Variants in VDR observed in about 807,000 individuals in gnomAD.
The protein encoded by VDR is vitamin D3 receptor.
In VDR, 19 loss-of-function variants were observed where a neutral mutation model predicts 39.7. That is an observed-to-expected ratio of 0.48 (90% CI 0.33 to 0.70). The LOEUF (loss-of-function observed/expected upper bound fraction) is 0.70, where lower values mean the gene tolerates loss of function less well. VDR is among the 30% of genes least tolerant of loss of function. The pLI, the probability that VDR is intolerant of heterozygous loss-of-function variation, is 0.02. For synonymous variants in VDR, 242 were observed against 215.8 expected (o/e 1.12, Z -1.07); for missense variants, 442 against 570.5 (o/e 0.77, Z 2.29).
intron 1 of VDR, among the ~76,000 whole-genome samples, chr12:47,891,997 C>T (rs1325199023): frequency 2.0e-5 from 3 of 152,218 alleles, no homozygotes; most frequent in East Asian, 1.9e-4. Flanking sequence ...CAGCGAGAAC[C>T]GTGGAAGCCC....
rs756858031 is a variant in VDR at position 47,857,637 on chromosome 12, C to T, written c.329G>A (p.Arg110Gln). 21 of 1,614,098 alleles carry T rather than the reference C, an allele frequency of 1.3e-5. No homozygotes were observed. The highest frequency in any genetic ancestry group is 8.3e-5 in the Admixed American group (5 of 60,010). The change falls in exon 5 of 10, where the codon CGG (arginine) becomes CAG (glutamine). Residue 110 changes from arginine (R) to glutamine (Q), a missense_variant. Arg to Gln is a conservative substitution (Grantham distance 43). Around this residue, in one of 5 missense-constraint regions of VDR, gnomAD observed 46 missense variants for 82.0 expected, o/e 0.56. Transcript: ENST00000549336. ...GTCCTTCAAGGCCTCCTCCTCCTTC[C>T]GCTTCAGGATCATCTCCCGCTTCCT... ...VQRKREMILKRKEEEALKDSL... is the reference protein window; with the variant it reads ...VQRKREMILKQKEEEALKDSL...
intron 7 of VDR, among the ~76,000 whole-genome samples, chr12:47,848,669 C>A (rs1218664967): frequency 1.4e-5 from 2 of 142,432 alleles, no homozygotes; most frequent in Admixed American, 1.5e-4. Flanking sequence ...CAGGTTCAAG[C>A]AATTCTCCTA....
intron 2 of VDR, among the ~76,000 whole-genome samples, chr12:47,880,050 A>G (rs897689039): frequency 1.3e-5 from 2 of 152,056 alleles, no homozygotes; most frequent in Non-Finnish European, 2.9e-5. Flanking sequence ...TCAGGCTCAG[A>G]GATGATTCTG....
intron 3 of VDR, among the ~76,000 whole-genome samples, chr12:47,867,568 A>G (rs549459836): frequency 4.7e-4 from 71 of 152,266 alleles, no homozygotes; most frequent in African/African-American, 1.7e-3. Flanking sequence ...TTCATCATCC[A>G]TGTCCTGAGA....
chr12:47,861,504 T>A (rs1424911007), intron 4 of VDR, among the ~76,000 whole-genome samples: 2 of 152,246 alleles, frequency 1.3e-5, no homozygotes, highest in Middle Eastern at 3.2e-3. Context: ...ACGAAATAAT[T>A]TGTTTAAAGA....
chr12:47,850,830 G>C (rs576366863), intron 7 of VDR, among the ~76,000 whole-genome samples: 1 of 151,976 alleles, frequency 6.6e-6, no homozygotes, highest in East Asian at 1.9e-4. Context: ...TTGCTGTTTC[G>C]TCTTTCCCAC....
intron 1 of VDR, among the ~76,000 whole-genome samples, chr12:47,893,094 G>A (rs1240096935): frequency 1.3e-5 from 2 of 152,358 alleles, no homozygotes; most frequent in Admixed American, 6.5e-5. Flanking sequence ...AGGCCTGTAG[G>A]AAGTACATTC....
chr12:47,882,628 T>TTG, intron 2 of VDR, 66 bp downstream of exon 2: 5 of 187,186 alleles, frequency 2.7e-5, no homozygotes, highest in Non-Finnish European at 4.9e-5. Flanking sequence ...CTTATGCCCC[T>TTG]CCCCCCCACC....
chr12:47,887,850 T>G (rs1337886364), intron 1 of VDR, among the ~76,000 whole-genome samples: 1 of 152,252 alleles, frequency 6.6e-6, no homozygotes, highest in African/African-American at 2.4e-5. Flanking sequence ...ATTCAGTGGC[T>G]GATGACACAG....
intron 1 of VDR, chr12:47,904,565 C>G (rs1946633960): frequency 3.3e-6 from 5 of 1,535,220 alleles, no homozygotes; most frequent in Non-Finnish European, 4.4e-6. Flanking sequence ...GTTACACACC[C>G]TCCACTCCAG....
intron 1 of VDR, among the ~76,000 whole-genome samples, chr12:47,883,227 G>C (rs960817553): frequency 9.2e-5 from 14 of 152,144 alleles, no homozygotes; most frequent in Admixed American, 2.0e-4. Flanking sequence ...GCGGGAAGAC[G>C]GCTGCCCCAG....
intron 7 of VDR, among the ~76,000 whole-genome samples, chr12:47,852,508 C>A (rs1945406710): frequency 6.6e-6 from 1 of 152,224 alleles, no homozygotes; most frequent in Non-Finnish European, 1.5e-5. Context: ...AGATCTGTCG[C>A]TTGCTCCTGC....
intron 3 of VDR, among the ~76,000 whole-genome samples, chr12:47,869,551 A>G (rs1307262745): frequency 4.0e-5 from 6 of 151,496 alleles, no homozygotes; most frequent in Non-Finnish European, 8.9e-5. Context: ...AAAAAAAAAA[A>G]AAAAAAAAGG....
At chr12:47,865,406 C>G (rs1299573740) in intron 3 of VDR, among the ~76,000 whole-genome samples, 3 of 152,062 alleles carry the variant, frequency 2.0e-5, no homozygotes, top group African/African-American at 7.2e-5. Context: ...TACCTTTTTT[C>G]TTTTAATTTT....
chr12:47,882,566 C>T, intron 2 of VDR, 128 bp downstream of exon 2: 1 of 776,312 alleles, frequency 1.3e-6, no homozygotes, highest in South Asian at 1.6e-5. Context: ...GGCCCGGGAC[C>T]CACCTTGCAA....
intron 1 of VDR, chr12:47,898,665 A>G (rs1641984902): frequency 6.5e-6 from 1 of 154,992 alleles, no homozygotes; most frequent in Non-Finnish European, 1.5e-5. Context: ...GTATTTTTCC[A>G]ATGGAATTCT....
In VDR at chr12:47,880,078, C is replaced by T. The variant is rs546614949; in HGVS notation, c.-2-963G>A. ...TGATTCTGGGATACCTCAGACTGCC[C>T]TGAAATGCTTTCAGACCCTACTGCC... On this transcript the variant is annotated intron_variant, in intron 2 of 9. Coordinates refer to ENST00000549336, the MANE Select transcript of VDR (RefSeq NM_000376.3). Among the ~76,000 whole-genome samples the T allele has an allele frequency of 9.9e-4, 151 of 152,286 alleles. 1 individual carries two copies. The highest frequency in any genetic ancestry group is 3.5e-3 in the African/African-American group (146 of 41,538).
At chr12:47,852,337 T>C (rs927401521) in intron 7 of VDR, among the ~76,000 whole-genome samples, 5 of 152,248 alleles carry the variant, frequency 3.3e-5, no homozygotes, top group African/African-American at 1.2e-4. Context: ...TTTCCCTAGC[T>C]GTTTACACAA....
chr12:47,893,947 G>A (rs780723940), intron 1 of VDR, among the ~76,000 whole-genome samples: 1 of 152,142 alleles, frequency 6.6e-6, no homozygotes, highest in African/African-American at 2.4e-5. Context: ...TTGGTTCAAC[G>A]TTTCAGGCCA....
Sources: gnomAD v4.1 joint callset for allele counts (sites outside exome capture counted in the v4.1 genomes callset) on GRCh38, gnomAD v4.1.1 for gene constraint, gnomAD v4.1.1 regional missense constraint, MANE v1.5 for transcripts, NCBI Gene and HGNC (gene_info 2026-07-23, HGNC 2026-07-21) for gene names.